The following CACNA1A variants were observed in gnomAD, a reference collection of about 807,000 sequenced individuals.
CACNA1A encodes the protein voltage-dependent P/Q-type calcium channel subunit alpha-1A.
Under a neutral mutation model 262.4 loss-of-function variants are expected in CACNA1A, and 57 were observed. The ratio of observed to expected loss-of-function variants is 0.22; its 90% CI spans 0.18 to 0.27. CACNA1A has a LOEUF of 0.27. Ranked by LOEUF, CACNA1A falls within the 10% of genes least tolerant of loss-of-function variation. The pLI is 1.00. For missense variants in CACNA1A, 2,526 were observed against 3,562.8 expected, an observed-to-expected ratio of 0.71 and a Z score of 7.41; for synonymous variants, 1,431 against 1,419.3, an observed-to-expected ratio of 1.01 and a Z score of -0.18.
Position 13,410,403 on chromosome 19 carries a change from A to AT in CACNA1A, c.540-38625_540-38624insA, listed in dbSNP as rs1201585128. On this transcript the variant is annotated intron_variant, in intron 3 of 46. Transcript: ENST00000360228. The stretch of plus-strand genomic sequence containing the variant: ...CACCATGCCCAGCTAATTAAAAAAA[A>AT]ATTTTTTTTGTAGAGATGGGGTCTC... 1.9e-3 allele frequency among the ~76,000 whole-genome samples: 290 copies of AT among 151,826 alleles called. 3 individuals carry two copies. The highest frequency in any genetic ancestry group is 6.9e-3 in the African/African-American group (284 of 41,382).
chr19:13,253,638 C>T (rs149653086), intron 29 of CACNA1A, among the ~76,000 whole-genome samples: 171 of 151,496 alleles, frequency 1.1e-3, no homozygotes, highest in African/African-American at 4.0e-3. Context: ...GTAGAGACAG[C>T]GTTTCACCGT....
At chr19:13,282,949 C>T (rs370586529) in intron 22 of CACNA1A, among the ~76,000 whole-genome samples, 82 of 152,290 alleles carry the variant, frequency 5.4e-4, no homozygotes, top group African/African-American at 2.0e-3. Flanking sequence ...AGTAACCCCC[C>T]TATTCCATGT....
chr19:13,324,550 C>T (rs1180148769), intron 10 of CACNA1A, among the ~76,000 whole-genome samples: 1 of 152,106 alleles, frequency 6.6e-6, no homozygotes, highest in Non-Finnish European at 1.5e-5. Context: ...ACACTGCACT[C>T]CATAAACATA....
At chr19:13,433,092 G>A (rs192660007) in intron 3 of CACNA1A, among the ~76,000 whole-genome samples, 1 of 152,098 alleles carries the variant, frequency 6.6e-6, no homozygotes, top group African/African-American at 2.4e-5. Flanking sequence ...AGGAGATGGA[G>A]ACCATCCTGG....
chr19:13,419,165 C>G (rs190384123), intron 3 of CACNA1A, among the ~76,000 whole-genome samples: 5 of 152,262 alleles, frequency 3.3e-5, no homozygotes, highest in Non-Finnish European at 7.4e-5. Context: ...CCACCGTGCC[C>G]GGCCTAGATA....
chr19:13,402,078 T>G (rs2059908359), intron 3 of CACNA1A, among the ~76,000 whole-genome samples: 1 of 152,238 alleles, frequency 6.6e-6, no homozygotes, highest in African/African-American at 2.4e-5. Flanking sequence ...TAACACAGCC[T>G]CTTCTTCCAG....
chr19:13,384,067 C>T (rs1385335494), intron 3 of CACNA1A, among the ~76,000 whole-genome samples: 1 of 152,202 alleles, frequency 6.6e-6, no homozygotes, highest in Non-Finnish European at 1.5e-5. Flanking sequence ...ATCCTCTCAT[C>T]TTGGTCTCTT....
At chr19:13,280,655 C>T (rs1232078458) in intron 22 of CACNA1A, among the ~76,000 whole-genome samples, 2 of 152,028 alleles carry the variant, frequency 1.3e-5, no homozygotes, top group African/African-American at 4.8e-5. Flanking sequence ...AAAGAATGCT[C>T]ATTGACCGGG....
rs1401006467 is a variant in CACNA1A at position 13,253,211 on chromosome 19, G to T, written c.4756-110C>A. 1.1e-5 allele frequency: 7 copies of T among 625,200 alleles called. No individual in the cohort carries two copies. The Admixed American group carries it at 1.7e-4, about 16-fold the overall frequency. The allele number at this position is 625,200 out of a possible 1,614,324, so 38.7% of individuals were successfully genotyped here. A position where few individuals can be genotyped will look rare whatever the true frequency, so the allele number is the denominator to read the frequency against. ...CAGGCAACACTCCAGCCCCAGGCAA[G>T]GTCTGAGCAACCTCACTGGTAGGAG... is the stretch of plus-strand genomic sequence containing the variant. On this transcript the variant is annotated intron_variant, in intron 29 of 46. Transcript: ENST00000360228.
intron 37 of CACNA1A, 88 bp downstream of exon 37, chr19:13,227,343 T>G (rs1600120591): frequency 1.1e-5 from 6 of 556,382 alleles, no homozygotes; most frequent in East Asian, 3.1e-5. Context: ...GTCGGCCGGG[T>G]GTTTCTGGTC....
At chr19:13,409,902 G>C (rs2060079542) in intron 3 of CACNA1A, among the ~76,000 whole-genome samples, 1 of 152,066 alleles carries the variant, frequency 6.6e-6, no homozygotes, top group African/African-American at 2.4e-5. Flanking sequence ...ATTAGAACTT[G>C]TTGTTTGCAG....
chr19:13,286,455 A>T, intron 20 of CACNA1A, 48 bp downstream of exon 20: 1 of 897,698 alleles, frequency 1.1e-6, no homozygotes, highest in Non-Finnish European at 1.7e-6. Context: ...CTCTGGCTCC[A>T]GGGACGCCAG....
rs1014753575 is a variant in CACNA1A, at chr19:13,230,285, G to A, written c.5401-76C>T. On this transcript the variant is annotated intron_variant, in intron 35 of 46. Coordinates refer to ENST00000360228, the MANE Select transcript of CACNA1A (RefSeq NM_001127222.2). ...TGAATGAGTGAGTGAGAAGGATACAGACAGACAGACGGACAGACAGACCCA... is the reference window on the plus strand; with the variant it reads ...TGAATGAGTGAGTGAGAAGGATACAAACAGACAGACGGACAGACAGACCCA... 6 of 1,523,434 alleles carry A rather than the reference G, an allele frequency of 3.9e-6. No homozygotes were observed. In the African/African-American group the frequency reaches 8.2e-5, roughly 21 times the overall value. 94.4% of individuals were successfully genotyped at this position (1,523,434 alleles called of 1,614,324 possible). A position where few individuals can be genotyped will look rare whatever the true frequency, so the allele number is the denominator to read the frequency against.
chr19:13,249,565 G>A (rs2056340790), intron 30 of CACNA1A, among the ~76,000 whole-genome samples: 1 of 152,016 alleles, frequency 6.6e-6, no homozygotes, highest in Admixed American at 6.6e-5. Flanking sequence ...ATGTTGTCCA[G>A]GTTGGTCTCA....
intron 3 of CACNA1A, among the ~76,000 whole-genome samples, chr19:13,447,150 T>C (rs1026349581): frequency 6.6e-6 from 1 of 152,142 alleles, no homozygotes; most frequent in Non-Finnish European, 1.5e-5. Context: ...GTCTTCATGA[T>C]AGGATCAGGA....
intron 6 of CACNA1A, among the ~76,000 whole-genome samples, chr19:13,336,594 G>GGAGAGAGGGAGA (rs2058573110): frequency 1.5e-5 from 1 of 65,494 alleles, no homozygotes; most frequent in Non-Finnish European, 3.1e-5. Context: ...AGAGAGAGAG[G>GGAGAGAGGGAGA]GAGAGAGAGA....
Position 13,235,608 on chromosome 19 carries a change from A to T in CACNA1A, c.5067+6T>A. 1 of 1,591,632 alleles carries T rather than the reference A, an allele frequency of 6.3e-7. No individual in the cohort carries two copies. Among genetic ancestry groups the T allele is most frequent in the Non-Finnish European group, 8.6e-7 (1 of 1,159,656 alleles). ...CCCTGGGCCAGCAGCAGGGACGAGGACTCACCTTGAAGGACTGCACAAAGG... is the reference window on the plus strand; with the variant it reads ...CCCTGGGCCAGCAGCAGGGACGAGGTCTCACCTTGAAGGACTGCACAAAGG... On this transcript the variant is annotated splice_donor_region_variant and intron_variant, in intron 32 of 46. Coordinates refer to ENST00000360228, the MANE Select transcript of CACNA1A (RefSeq NM_001127222.2).
intron 36 of CACNA1A, among the ~76,000 whole-genome samples, chr19:13,228,351 G>T (rs542553023): frequency 6.6e-6 from 1 of 151,808 alleles, no homozygotes; most frequent in Non-Finnish European, 1.5e-5. Context: ...GAGGGGGAGA[G>T]AGTGGAGGTG....
chr19:13,223,037 T>A lies in CACNA1A; in HGVS notation c.5731+1630A>T, dbSNP rs146743217. Among the ~76,000 whole-genome samples the A allele has an allele frequency of 2.6e-5, 4 of 152,204 alleles. No homozygotes were observed. The East Asian group carries it at 7.7e-4, about 29-fold the overall frequency. On this transcript the variant is annotated intron_variant, in intron 38 of 46. Transcript: ENST00000360228. ...AATGTTTTTTTCTTTTTCTTTCTGTTGTTTTGAGCTAGGATCTCGTTCTGT... is the reference window on the plus strand; with the variant it reads ...AATGTTTTTTTCTTTTTCTTTCTGTAGTTTTGAGCTAGGATCTCGTTCTGT...
Sources: gnomAD v4.1 joint callset for allele counts (sites outside exome capture counted in the v4.1 genomes callset) on GRCh38, gnomAD v4.1.1 for gene constraint, MANE v1.5 for transcripts, NCBI Gene and HGNC (gene_info 2026-07-23, HGNC 2026-07-21) for gene names.